Variants in FOXP1 observed in about 807,000 individuals in gnomAD.
FOXP1 encodes forkhead box P1.
Under a neutral mutation model 98.2 loss-of-function variants are expected in FOXP1, and 15 were observed. That is an observed-to-expected ratio of 0.15 (90% CI 0.10 to 0.24). The LOEUF (loss-of-function observed/expected upper bound fraction) is 0.24. Ranked by LOEUF, FOXP1 falls within the 10% of genes least tolerant of loss-of-function variation. FOXP1 has a pLI of 1.00. For missense variants in FOXP1, 633 were observed against 848.5 expected, an observed-to-expected ratio of 0.75 and a Z score of 3.15; for synonymous variants, 371 against 314.5, an observed-to-expected ratio of 1.18 and a Z score of -1.90.
chr3:71,475,321 T>C (rs1432277212), intron 3 of FOXP1, among the ~76,000 whole-genome samples: 1 of 152,186 alleles, frequency 6.6e-6, no homozygotes, highest in Non-Finnish European at 1.5e-5. Flanking sequence ...GGAGCAACTA[T>C]AATTTTTTAA....
intron 12 of FOXP1, among the ~76,000 whole-genome samples, chr3:71,014,578 G>A (rs527649114): frequency 7.2e-5 from 11 of 152,340 alleles, no homozygotes; most frequent in Admixed American, 7.2e-4. Flanking sequence ...GTGGAAGAAA[G>A]TGTGGCGATT....
intron 11 of FOXP1, among the ~76,000 whole-genome samples, chr3:71,041,014 T>C (rs2048268685): frequency 6.6e-6 from 1 of 152,150 alleles, no homozygotes; most frequent in African/African-American, 2.4e-5. Context: ...ATTCAGCTTG[T>C]ACGGAGTGAG....
At chr3:71,480,984 C>T (rs1273466608) in intron 3 of FOXP1, among the ~76,000 whole-genome samples, 2 of 152,154 alleles carry the variant, frequency 1.3e-5, no homozygotes, top group Admixed American at 6.6e-5. Context: ...AGGCAATATC[C>T]TTCATTCTTT....
intron 3 of FOXP1, among the ~76,000 whole-genome samples, chr3:71,432,161 T>G (rs191257577): frequency 1.9e-4 from 29 of 152,356 alleles, no homozygotes; most frequent in Non-Finnish European, 3.7e-4. Context: ...CACAGAGCAC[T>G]AAGCAACTAG....
At chr3:71,313,093 T>A (rs2107630724) in intron 4 of FOXP1, among the ~76,000 whole-genome samples, 2 of 144,982 alleles carry the variant, frequency 1.4e-5, no homozygotes, top group South Asian at 4.5e-4. Flanking sequence ...GGAGTCTCGC[T>A]GTGCCACCCA....
chr3:71,445,116 T>A (rs997386872), intron 3 of FOXP1, among the ~76,000 whole-genome samples: 19 of 152,152 alleles, frequency 1.2e-4, no homozygotes, highest in African/African-American at 4.6e-4. Flanking sequence ...CTTTAGTCCT[T>A]AGTGTTCTCC....
intron 3 of FOXP1, among the ~76,000 whole-genome samples, chr3:71,428,668 G>A (rs1018423167): frequency 6.6e-5 from 10 of 152,206 alleles, no homozygotes; most frequent in Non-Finnish European, 1.2e-4. Flanking sequence ...TTTGAAAAGA[G>A]CCCTTCAAGA....
chr3:71,424,776 G>A (rs899491322), intron 3 of FOXP1, among the ~76,000 whole-genome samples: 2 of 152,168 alleles, frequency 1.3e-5, no homozygotes, highest in African/African-American at 4.8e-5. Flanking sequence ...ATGCTGGGCT[G>A]GCTTCTGTCA....
chr3:71,327,867 C>T (rs770283808), intron 4 of FOXP1, among the ~76,000 whole-genome samples: 60 of 152,160 alleles, frequency 3.9e-4, no homozygotes, highest in Middle Eastern at 3.4e-3. Context: ...CAAAATAAGG[C>T]GCATATAAAT....
At chr3:71,343,997 T>C (rs1238080136) in intron 4 of FOXP1, among the ~76,000 whole-genome samples, 1 of 152,218 alleles carries the variant, frequency 6.6e-6, no homozygotes. Context: ...TTTTTGTACA[T>C]GCAGCAAAGA....
chr3:71,050,040 A>G (rs2049630297), intron 9 of FOXP1, among the ~76,000 whole-genome samples: 1 of 152,120 alleles, frequency 6.6e-6, no homozygotes, highest in African/African-American at 2.4e-5. Context: ...CAGCAAACCT[A>G]GCGACCTGGA....
At chr3:71,105,386 G>C (rs1218242846) in intron 7 of FOXP1, among the ~76,000 whole-genome samples, 8 of 152,084 alleles carry the variant, frequency 5.3e-5, no homozygotes, top group Admixed American at 5.2e-4. Flanking sequence ...AAAGTAATAA[G>C]TTAAATCCAA....
At chr3:71,349,529 A>T (rs1249490057) in intron 4 of FOXP1, among the ~76,000 whole-genome samples, 1 of 152,220 alleles carries the variant, frequency 6.6e-6, no homozygotes, top group African/African-American at 2.4e-5. Context: ...TATGATGGAC[A>T]TGAAAATTAT....
At chr3:71,070,830 A>G (rs1168902652) in intron 7 of FOXP1, among the ~76,000 whole-genome samples, 3 of 152,228 alleles carry the variant, frequency 2.0e-5, no homozygotes, top group Admixed American at 2.0e-4. Flanking sequence ...AAGACGGGAA[A>G]ATGAAGCTTA....
chr3:71,032,614 G>T (rs2047020000), intron 11 of FOXP1, among the ~76,000 whole-genome samples: 1 of 152,136 alleles, frequency 6.6e-6, no homozygotes, highest in Admixed American at 6.5e-5. Context: ...CATTGCCCCA[G>T]TGAGCCAGTC....
intron 4 of FOXP1, among the ~76,000 whole-genome samples, chr3:71,308,346 T>C (rs1303694623): frequency 7.9e-5 from 12 of 152,182 alleles, no homozygotes; most frequent in Admixed American, 7.9e-4. Flanking sequence ...GCGAGAGCTA[T>C]CTCAAAAAGG....
At chr3:71,527,059 T>C (rs1273994892) in intron 2 of FOXP1, among the ~76,000 whole-genome samples, 7 of 151,106 alleles carry the variant, frequency 4.6e-5, no homozygotes, top group South Asian at 4.2e-4. Flanking sequence ...CAAGACAAAA[T>C]TGTAAAGACT....
intron 5 of FOXP1, among the ~76,000 whole-genome samples, chr3:71,255,903 T>C (rs1377760503): frequency 6.6e-6 from 1 of 152,002 alleles, no homozygotes; most frequent in African/African-American, 2.4e-5. Context: ...CCCTATAAAG[T>C]AGGATATAAA....
At chr3:71,541,968 A>G in intron 2 of FOXP1, 1 of 533,210 alleles carries the variant, frequency 1.9e-6, no homozygotes, top group Non-Finnish European at 3.9e-6. Flanking sequence ...GCCGCGCGAG[A>G]CAGATTTTCA....
Sources: gnomAD v4.1 joint callset for allele counts (sites outside exome capture counted in the v4.1 genomes callset) on GRCh38, gnomAD v4.1.1 for gene constraint, MANE v1.5 for transcripts, NCBI Gene and HGNC (gene_info 2026-07-23, HGNC 2026-07-21) for gene names.